The following COL10A1 variants were observed in gnomAD, a reference collection of about 807,000 sequenced individuals.
The protein encoded by COL10A1 is collagen alpha-1(X) chain.
In COL10A1, 10 loss-of-function variants were observed where a neutral mutation model predicts 18.2. The ratio of observed to expected loss-of-function variants is 0.55; its 90% CI spans 0.34 to 0.93. The LOEUF (loss-of-function observed/expected upper bound fraction) is 0.93, where lower values mean the gene tolerates loss of function less well. Ranked by LOEUF, COL10A1 falls within the 40% of genes least tolerant of loss-of-function variation. COL10A1 has a pLI of 0.02. For synonymous variants in COL10A1, 330 were observed against 316.6 expected, an observed-to-expected ratio of 1.04 and a Z score of -0.45; for missense variants, 897 against 853.5, an observed-to-expected ratio of 1.05 and a Z score of -0.64.
the COL10A1 span, among the ~76,000 whole-genome samples, chr6:116,210,544 GGAT>G: frequency 9.2e-5 from 14 of 151,882 alleles, no homozygotes; most frequent in African/African-American, 3.4e-4. Flanking sequence ...TCTGTATCTC[GGAT>G]TTTCAGTTGC....
At chr6:116,160,780 A>G (rs530819841), upstream of COL10A1, among the ~76,000 whole-genome samples, 7 of 152,320 alleles carry the variant, frequency 4.6e-5, no homozygotes, top group Non-Finnish European at 2.9e-5. Flanking sequence ...CCTTTAATCT[A>G]TCTTCAGTTA....
intron 1 of COL10A1, among the ~76,000 whole-genome samples, chr6:116,141,044 G>T (rs1205821163): frequency 6.6e-6 from 1 of 152,024 alleles, no homozygotes; most frequent in Non-Finnish European, 1.5e-5. Context: ...TTTCTAAATT[G>T]TTTCATGTTT....
chr6:116,159,096 T>C (rs892907033), upstream of COL10A1, among the ~76,000 whole-genome samples: 2 of 152,206 alleles, frequency 1.3e-5, no homozygotes, highest in African/African-American at 4.8e-5. Context: ...ACTTACTAAC[T>C]AGCAATGTTA....
chr6:116,188,539 T>C, the COL10A1 span, among the ~76,000 whole-genome samples: 1 of 152,012 alleles, frequency 6.6e-6, no homozygotes, highest in South Asian at 2.1e-4. Flanking sequence ...TAATACAGGA[T>C]ATACATATTC....
the COL10A1 span, among the ~76,000 whole-genome samples, chr6:116,184,632 G>A: frequency 0.51 from 76,674 of 151,724 alleles, 20,471 homozygotes; most frequent in African/African-American, 0.69. Flanking sequence ...ATATTTCCAG[G>A]AATTTATCCA....
Position 116,120,688 on chromosome 6 carries a change from G to T in COL10A1, c.1428C>A (p.Gly476=), listed in dbSNP as rs1446874250. The T allele has an allele frequency of 1.9e-6, 3 of 1,549,484 alleles. No homozygotes were observed. The highest frequency in any genetic ancestry group is 2.2e-4 in the Middle Eastern group (1 of 4,644). Residue 476 remains glycine, a synonymous_variant, in exon 3 of 3, where the codon GGC becomes GGA. Transcript: ENST00000651968. ...KGDPGSPGPP[G]PAGIATKGLN... is the part of the protein sequence containing the mutation. Reference sequence around the variant, plus strand: ...GGCCCTTAGTTGCTATGCCAGCTGGGCCAGGAGGACCGGGACTTCCTGGAT... The same window carrying T: ...GGCCCTTAGTTGCTATGCCAGCTGGTCCAGGAGGACCGGGACTTCCTGGAT...
intron 1 of COL10A1, among the ~76,000 whole-genome samples, chr6:116,139,277 ATTAAC>A (rs1412036759): frequency 6.6e-6 from 1 of 152,138 alleles, no homozygotes; most frequent in East Asian, 1.9e-4. Context: ...TTTGTGGGTA[ATTAAC>A]TTAAAGAATA....
the COL10A1 span, among the ~76,000 whole-genome samples, chr6:116,192,116 G>C: frequency 1.6e-4 from 24 of 152,120 alleles, no homozygotes; most frequent in Non-Finnish European, 8.8e-5. Flanking sequence ...TAATTAGGTG[G>C]TTAGAGAGAG....
chr6:116,123,913 T>TA (rs1779212782), intron 2 of COL10A1, among the ~76,000 whole-genome samples: 1 of 152,240 alleles, frequency 6.6e-6, no homozygotes, highest in Non-Finnish European at 1.5e-5. Flanking sequence ...GTTATGCTCT[T>TA]ATTAAGGTGT....
At chr6:116,156,105 G>A (rs1327259088) in intron 1 of COL10A1, among the ~76,000 whole-genome samples, 1 of 152,080 alleles carries the variant, frequency 6.6e-6, no homozygotes, top group Non-Finnish European at 1.5e-5. Flanking sequence ...TTATGTAAAG[G>A]TCAATAATAC....
chr6:116,173,028 A>G, the COL10A1 span, among the ~76,000 whole-genome samples: 4 of 152,174 alleles, frequency 2.6e-5, no homozygotes, highest in African/African-American at 9.7e-5. Flanking sequence ...CAATTCACAG[A>G]TATTATTTTG....
chr6:116,161,567 A>G (rs1010143407), upstream of COL10A1, among the ~76,000 whole-genome samples: 2 of 151,990 alleles, frequency 1.3e-5, no homozygotes, highest in Non-Finnish European at 1.5e-5. Flanking sequence ...TGGGTTCTCT[A>G]TTCTGCTCCA....
Position 116,121,860 on chromosome 6 carries a change from C to A in COL10A1, c.256G>T (p.Gly86Ter). ...GGCTCTCCTTGGAGTCCAGGACTTC[C>A]GTAGCCTGGTTTTCCTGGTGGTCCA... ...PSGPPGKPGY[G>*]SPGLQGEPGL... The change falls in exon 3 of 3, where the codon GGA becomes TGA. Residue 86 changes from glycine (G) to a stop codon, truncating the protein, a stop_gained. Coordinates refer to ENST00000651968, the MANE Select transcript of COL10A1 (RefSeq NM_000493.4). LOFTEE classifies it low-confidence loss of function (END_TRUNC). 1 of 1,613,950 alleles carries A rather than the reference C, an allele frequency of 6.2e-7. No individual in the cohort carries two copies. The highest frequency in any genetic ancestry group is 1.1e-5 in the South Asian group (1 of 91,050).
the COL10A1 span, among the ~76,000 whole-genome samples, chr6:116,193,134 T>C: frequency 6.6e-6 from 1 of 152,078 alleles, no homozygotes; most frequent in African/African-American, 2.4e-5. Flanking sequence ...CTTTCTTGAC[T>C]ATTCAGTTTG....
At chr6:116,208,387 T>C in the COL10A1 span, among the ~76,000 whole-genome samples, 2 of 152,008 alleles carry the variant, frequency 1.3e-5, no homozygotes, top group African/African-American at 2.4e-5. Context: ...CACAAATACA[T>C]TTTAAAACCG....
chr6:116,144,956 G>T (rs1779859612), intron 1 of COL10A1, among the ~76,000 whole-genome samples: 1 of 152,188 alleles, frequency 6.6e-6, no homozygotes, highest in Non-Finnish European at 1.5e-5. Flanking sequence ...CTAGTTGCCA[G>T]CAGTGAAGAA....
intron 1 of COL10A1, among the ~76,000 whole-genome samples, chr6:116,146,217 C>T (rs2114381808): frequency 6.6e-6 from 1 of 152,264 alleles, no homozygotes; most frequent in Non-Finnish European, 1.5e-5. Context: ...TATAGATAAC[C>T]TGAGATTTAA....
chr6:116,168,453 T>A, the COL10A1 span, among the ~76,000 whole-genome samples: 1 of 152,128 alleles, frequency 6.6e-6, no homozygotes, highest in Non-Finnish European at 1.5e-5. Context: ...TTTTTCTATT[T>A]TTCAATTCTC....
chr6:116,193,906 A>C, the COL10A1 span, among the ~76,000 whole-genome samples: 2 of 151,982 alleles, frequency 1.3e-5, no homozygotes, highest in African/African-American at 4.8e-5. Flanking sequence ...AATACAAAAA[A>C]TACAGAAAGT....
Sources: gnomAD v4.1 joint callset for allele counts (sites outside exome capture counted in the v4.1 genomes callset) on GRCh38, gnomAD v4.1.1 for gene constraint, MANE v1.5 for transcripts, NCBI Gene and HGNC (gene_info 2026-07-23, HGNC 2026-07-21) for gene names.